Variants in GPR149 observed in about 807,000 individuals in gnomAD.
GPR149 encodes the protein G protein-coupled receptor 149.
GPR149 carries 50 observed loss-of-function variants against 50.2 expected under a neutral mutation model. The ratio of observed to expected loss-of-function variants is 1.00; its 90% CI spans 0.79 to 1.26. The LOEUF (loss-of-function observed/expected upper bound fraction) is 1.26. Among genes scored for constraint, GPR149 ranks in the 50% most tolerant of loss-of-function variants. The pLI is 0.00. For missense variants in GPR149, 983 were observed against 895.4 expected (o/e 1.10, Z -1.25); for synonymous variants, 405 against 358.2 (o/e 1.13, Z -1.48).
At chr3:154,411,903 A>G (rs868459678) in intron 3 of GPR149, among the ~76,000 whole-genome samples, 1 of 152,046 alleles carries the variant, frequency 6.6e-6, no homozygotes, top group South Asian at 2.1e-4. Flanking sequence ...CAAATAAAGA[A>G]AACTATGGAC....
intron 3 of GPR149, among the ~76,000 whole-genome samples, chr3:154,387,204 T>C (rs1435820395): frequency 1.3e-5 from 2 of 152,204 alleles, no homozygotes; most frequent in Non-Finnish European, 2.9e-5. Context: ...TGAACTATTA[T>C]TCCTTTCAAG....
chr3:154,403,768 A>G (rs1208276340), intron 3 of GPR149, among the ~76,000 whole-genome samples: 2 of 125,288 alleles, frequency 1.6e-5, no homozygotes, highest in East Asian at 2.5e-4. Context: ...CTTTTGGTCC[A>G]TTCCTAAATG....
In GPR149 at chr3:154,428,950, C is replaced by A; in HGVS notation, c.666G>T (p.Pro222=). The change falls in exon 1 of 4, where the codon CCG becomes CCT. Residue 222 remains proline (P), a synonymous_variant. Coordinates refer to ENST00000389740, the MANE Select transcript of GPR149 (RefSeq NM_001038705.3). ...LTHRLLCSEE[P]PRLHSNYQEI... is the part of the protein sequence containing the mutation. Reference sequence around the variant, plus strand: ...CCTGGTAGTTGGAGTGGAGTCTCGGCGGCTCCTCCGAACACAGCAATCGGT... The same window carrying A: ...CCTGGTAGTTGGAGTGGAGTCTCGGAGGCTCCTCCGAACACAGCAATCGGT... The A allele has an allele frequency of 2.5e-6, 4 of 1,613,800 alleles. No individual in the cohort carries two copies. The highest frequency in any genetic ancestry group is 3.4e-6 in the Non-Finnish European group (4 of 1,179,876).
intron 3 of GPR149, among the ~76,000 whole-genome samples, chr3:154,383,061 T>C (rs1257395666): frequency 1.2e-4 from 18 of 152,146 alleles, no homozygotes; most frequent in Non-Finnish European, 1.2e-4. Context: ...CCTGTGTCCA[T>C]TGCTGGGGCC....
Position 154,428,942 on chromosome 3 carries a change from A to G in GPR149, c.674T>C (p.Leu225Pro). The G allele has an allele frequency of 6.2e-7, 1 of 1,614,070 alleles. No individual in the cohort carries two copies. The highest frequency in any genetic ancestry group is 8.5e-7 in the Non-Finnish European group (1 of 1,179,986). ...GGAAATTTCCTGGTAGTTGGAGTGG[A>G]GTCTCGGCGGCTCCTCCGAACACAG... Reference protein sequence around the residue: ...RLLCSEEPPRLHSNYQEISRG... With the variant: ...RLLCSEEPPRPHSNYQEISRG... The change falls in exon 1 of 4, where the codon CTC becomes CCC. Residue 225 changes from leucine to proline, a missense_variant. By Grantham distance (98) the Leu-to-Pro change is moderately conservative (BLOSUM62 -3). Coordinates refer to ENST00000389740, the MANE Select transcript of GPR149 (RefSeq NM_001038705.3).
At chr3:154,392,264 T>A (rs985594819) in intron 3 of GPR149, among the ~76,000 whole-genome samples, 5 of 151,730 alleles carry the variant, frequency 3.3e-5, no homozygotes, top group African/African-American at 1.2e-4. Context: ...GAAGAAAAAC[T>A]GGAAAATTTG....
intron 3 of GPR149, among the ~76,000 whole-genome samples, chr3:154,356,414 T>C (rs1714225330): frequency 2.0e-5 from 3 of 152,176 alleles, no homozygotes; most frequent in Admixed American, 6.5e-5. Flanking sequence ...GATGACATGA[T>C]TGTATATCTA....
At chr3:154,341,807 A>G (rs1713805759) in intron 3 of GPR149, among the ~76,000 whole-genome samples, 1 of 152,148 alleles carries the variant, frequency 6.6e-6, no homozygotes, top group South Asian at 2.1e-4. Flanking sequence ...TCCCAAGTAT[A>G]ATATGTAGCT....
At chr3:154,363,800 G>A (rs147184014) in intron 3 of GPR149, among the ~76,000 whole-genome samples, 37 of 152,206 alleles carry the variant, frequency 2.4e-4, no homozygotes, top group African/African-American at 7.2e-4. Context: ...ACAAATCAGC[G>A]TGCATTCCCC....
Position 154,367,842 on chromosome 3 carries a change from C to T in GPR149, c.1624-29571G>A, listed in dbSNP as rs568947009. 2.6e-4 allele frequency among the ~76,000 whole-genome samples: 39 copies of T among 152,300 alleles called. 2 individuals carry two copies. The South Asian group carries it at 6.4e-3, about 25-fold the overall frequency. ...AGGAGGATCTCCAGGAAAGGCATCT[C>T]GATCCTCACATGGTGAGTACGATTA... is the stretch of plus-strand genomic sequence containing the variant. On this transcript the variant is annotated intron_variant, in intron 3 of 3. Coordinates refer to ENST00000389740, the MANE Select transcript of GPR149 (RefSeq NM_001038705.3).
At chr3:154,427,777 C>T (rs1712350326) in intron 1 of GPR149, 69 bp from the exon 2 acceptor site, 6 of 1,386,602 alleles carry the variant, frequency 4.3e-6, no homozygotes, top group South Asian at 4.1e-5. Context: ...CTTTTCTCCA[C>T]GCACGCTGCC....
At position 154,429,405 on chromosome 3, in the gene GPR149, C is replaced by G; in HGVS notation, c.211G>C (p.Val71Leu). 6.2e-7 allele frequency: 1 copy of G among 1,614,158 alleles called. No individual in the cohort carries two copies. The highest frequency in any genetic ancestry group is 8.5e-7 in the Non-Finnish European group (1 of 1,180,034). ...AGATCATCCACAGACCAGGAAGCCA[C>G]AAGCATGGACACAACAGTTCTGTTC... is the stretch of plus-strand genomic sequence containing the variant. ...MQNRTVVSML[V>L]ASWSVDDLMS... The change falls in exon 1 of 4, where the codon GTG (valine) becomes CTG (leucine). Residue 71 changes from valine (V) to leucine (L), a missense_variant. Val to Leu is a conservative substitution (Grantham distance 32, BLOSUM62 1). Transcript: ENST00000389740.
At chr3:154,420,547 A>T (rs73872861) in intron 3 of GPR149, among the ~76,000 whole-genome samples, 5,018 of 152,006 alleles carry the variant, frequency 0.033, 277 homozygotes, top group African/African-American at 0.11. Flanking sequence ...TACTGGAGGG[A>T]TTAGTTCTAG....
At chr3:154,416,750 T>C (rs1042058807) in intron 3 of GPR149, among the ~76,000 whole-genome samples, 3 of 151,876 alleles carry the variant, frequency 2.0e-5, no homozygotes, top group Admixed American at 2.0e-4. Context: ...TAAGTGGTTA[T>C]GTAGTAAATT....
intron 3 of GPR149, among the ~76,000 whole-genome samples, chr3:154,382,033 G>A (rs1326272474): frequency 2.6e-5 from 4 of 152,178 alleles, no homozygotes. Context: ...AAAAGCCAGA[G>A]AAGATTTTTT....
chr3:154,385,541 T>C (rs1204418551), intron 3 of GPR149, among the ~76,000 whole-genome samples: 3 of 152,174 alleles, frequency 2.0e-5, no homozygotes, highest in African/African-American at 7.2e-5. Context: ...TTAGGCTTTT[T>C]ACCAGCTGTG....
intron 3 of GPR149, among the ~76,000 whole-genome samples, chr3:154,376,648 A>C (rs1343636064): frequency 6.6e-6 from 1 of 152,228 alleles, no homozygotes; most frequent in Admixed American, 6.5e-5. Context: ...GTCTTAGAGA[A>C]ACGGGAGGAA....
At chr3:154,359,281 T>C (rs1714324605) in intron 3 of GPR149, among the ~76,000 whole-genome samples, 3 of 152,208 alleles carry the variant, frequency 2.0e-5, no homozygotes, top group African/African-American at 7.2e-5. Flanking sequence ...TGGGAATTAA[T>C]TACATTTTCC....
intron 2 of GPR149, among the ~76,000 whole-genome samples, chr3:154,422,097 A>G (rs904961155): frequency 6.6e-6 from 1 of 151,682 alleles, no homozygotes; most frequent in Non-Finnish European, 1.5e-5. Context: ...TAAATGTGAA[A>G]AGAACTGGTA....
Sources: allele counts gnomAD v4.1 joint callset (sites outside exome capture counted in the v4.1 genomes callset), GRCh38; gene constraint gnomAD v4.1.1; transcripts MANE v1.5; gene names NCBI Gene and HGNC (gene_info 2026-07-23, HGNC 2026-07-21).